Variants in B3GALT1 observed in about 807,000 individuals in gnomAD.
The protein encoded by B3GALT1 is UDP-Gal:betaGlcNAc beta 1,3-galactosyltransferase, polypeptide 1.
Under a neutral mutation model 23.2 loss-of-function variants are expected in B3GALT1, and 10 were observed. The observed-to-expected ratio is 0.43, with a 90% CI of 0.27 to 0.73. The LOEUF is 0.73. Ranked by LOEUF, B3GALT1 falls within the 30% of genes least tolerant of loss-of-function variation. The pLI is 0.21. For synonymous variants in B3GALT1, 156 were observed against 141.5 expected (o/e 1.10, Z -0.73); for missense variants, 299 against 405.4 (o/e 0.74, Z 2.25).
intron 3 of B3GALT1, among the ~76,000 whole-genome samples, chr2:167,723,171 A>G (rs1335293762): frequency 6.6e-6 from 1 of 152,238 alleles, no homozygotes; most frequent in African/African-American, 2.4e-5. Flanking sequence ...AGGACAAACA[A>G]AAAGAAATAA....
At chr2:167,664,077 G>A (rs961102612) in intron 3 of B3GALT1, among the ~76,000 whole-genome samples, 1 of 151,004 alleles carries the variant, frequency 6.6e-6, no homozygotes, top group Non-Finnish European at 1.5e-5. Context: ...TTTTCTTGTA[G>A]GGTTTTTATG....
chr2:167,388,422 G>T (rs1697957668), intron 1 of B3GALT1, among the ~76,000 whole-genome samples: 1 of 152,136 alleles, frequency 6.6e-6, no homozygotes, highest in Non-Finnish European at 1.5e-5. Flanking sequence ...CTCCAGGAAG[G>T]CTCCTGGAGG....
chr2:167,765,368 A>G (rs1175760990), intron 3 of B3GALT1, among the ~76,000 whole-genome samples: 1 of 152,140 alleles, frequency 6.6e-6, no homozygotes, highest in Admixed American at 6.5e-5. Context: ...TATAACAAGA[A>G]TCCTCTTGTT....
intron 1 of B3GALT1, among the ~76,000 whole-genome samples, chr2:167,437,919 C>A (rs1698812833): frequency 1.3e-5 from 2 of 152,292 alleles, no homozygotes; most frequent in East Asian, 3.9e-4. Flanking sequence ...AAATTAAAGT[C>A]TGTTAAGGTA....
chr2:167,839,580 TATC>T (rs1163086673), intron 4 of B3GALT1, among the ~76,000 whole-genome samples: 2 of 152,250 alleles, frequency 1.3e-5, no homozygotes, highest in African/African-American at 4.8e-5. Context: ...GAAGAATCAA[TATC>T]ATGAAAATGG....
chr2:167,467,157 T>C lies in B3GALT1; in HGVS notation c.-510-23020T>C, dbSNP rs542039060. 4.6e-5 allele frequency among the ~76,000 whole-genome samples: 7 copies of C among 152,076 alleles called. No individual in the cohort carries two copies. The South Asian group carries it at 1.5e-3, about 32-fold the overall frequency. On this transcript the variant is annotated intron_variant, in intron 1 of 4. Coordinates refer to ENST00000392690, the MANE Select transcript of B3GALT1 (RefSeq NM_020981.4). ...ACCAGCAGGGTAGGAGACATTCACA[T>C]TCTGGAGCTGACGGGAAGGGATATT...
intron 3 of B3GALT1, among the ~76,000 whole-genome samples, chr2:167,654,272 A>G (rs866601785): frequency 9.2e-5 from 14 of 152,186 alleles, no homozygotes; most frequent in Admixed American, 1.3e-4. Flanking sequence ...TAATAATACT[A>G]TCTACTATTA....
intron 2 of B3GALT1, among the ~76,000 whole-genome samples, chr2:167,515,308 T>C (rs1376220969): frequency 1.3e-5 from 2 of 152,194 alleles, no homozygotes; most frequent in Non-Finnish European, 2.9e-5. Flanking sequence ...TCAAGTGTTA[T>C]TATTACATTC....
chr2:167,411,938 G>A (rs904522674), intron 1 of B3GALT1, among the ~76,000 whole-genome samples: 2 of 152,114 alleles, frequency 1.3e-5, no homozygotes, highest in African/African-American at 4.8e-5. Flanking sequence ...TATATTAAAC[G>A]AAATAAATTA....
At chr2:167,511,415 C>G (rs1469055615) in intron 2 of B3GALT1, among the ~76,000 whole-genome samples, 3 of 152,154 alleles carry the variant, frequency 2.0e-5, no homozygotes, top group Non-Finnish European at 4.4e-5. Flanking sequence ...ACTCATTTCT[C>G]TCTCCTGTCA....
At chr2:167,836,724 G>A (rs1159858308) in intron 4 of B3GALT1, among the ~76,000 whole-genome samples, 1 of 152,156 alleles carries the variant, frequency 6.6e-6, no homozygotes, top group Non-Finnish European at 1.5e-5. Flanking sequence ...ACACATAATT[G>A]TCAGATTCAC....
At chr2:167,864,590 A>G (rs550159395) in intron 4 of B3GALT1, among the ~76,000 whole-genome samples, 3 of 152,248 alleles carry the variant, frequency 2.0e-5, no homozygotes, top group East Asian at 3.9e-4. Flanking sequence ...ATAAATGCAT[A>G]TATCACTGGG....
intron 3 of B3GALT1, among the ~76,000 whole-genome samples, chr2:167,716,872 T>TC (rs977540607): frequency 6.6e-6 from 1 of 152,222 alleles, no homozygotes; most frequent in African/African-American, 2.4e-5. Context: ...TAGTGTATAT[T>TC]CCTTTATATA....
intron 3 of B3GALT1, among the ~76,000 whole-genome samples, chr2:167,729,392 C>T (rs1345318632): frequency 5.3e-5 from 8 of 152,090 alleles, no homozygotes; most frequent in East Asian, 1.9e-4. Flanking sequence ...AACACTAGGA[C>T]GATGTCAAGG....
chr2:167,377,935 T>G (rs1168665898), intron 1 of B3GALT1, among the ~76,000 whole-genome samples: 1 of 152,176 alleles, frequency 6.6e-6, no homozygotes, highest in Non-Finnish European at 1.5e-5. Context: ...ATATACTTAT[T>G]TGTTTTTCAT....
intron 3 of B3GALT1, among the ~76,000 whole-genome samples, chr2:167,676,826 C>T (rs921788973): frequency 6.6e-5 from 10 of 152,054 alleles, no homozygotes; most frequent in Admixed American, 2.0e-4. Flanking sequence ...CATGAGCCAC[C>T]GCGCCTGGCC....
intron 4 of B3GALT1, among the ~76,000 whole-genome samples, chr2:167,866,978 G>C (rs1308043505): frequency 3.3e-5 from 5 of 152,024 alleles, no homozygotes; most frequent in East Asian, 1.9e-4. Flanking sequence ...CCAGGCTGGA[G>C]TGCAGTGGCG....
chr2:167,810,463 G>C (rs1688864095), intron 3 of B3GALT1, among the ~76,000 whole-genome samples: 1 of 151,026 alleles, frequency 6.6e-6, no homozygotes, highest in South Asian at 2.1e-4. Flanking sequence ...AAAGTGAACA[G>C]ATTGGTATTT....
intron 3 of B3GALT1, among the ~76,000 whole-genome samples, chr2:167,775,394 C>T (rs1201290933): frequency 1.3e-5 from 2 of 151,900 alleles, no homozygotes; most frequent in South Asian, 4.2e-4. Context: ...TATGGTGAAA[C>T]CCCATCTCTA....
Sources: gnomAD v4.1 joint callset for allele counts (sites outside exome capture counted in the v4.1 genomes callset) on GRCh38, gnomAD v4.1.1 for gene constraint, MANE v1.5 for transcripts, NCBI Gene and HGNC (gene_info 2026-07-23, HGNC 2026-07-21) for gene names.